The following PPP1R9A variants were observed in gnomAD, a reference collection of about 807,000 sequenced individuals.
PPP1R9A encodes the protein neurabin-1.
A neutral mutation model predicts 141.9 loss-of-function variants in PPP1R9A; 59 were observed. The observed-to-expected ratio is 0.42, with a 90% CI of 0.34 to 0.52. The LOEUF (loss-of-function observed/expected upper bound fraction) is 0.52. PPP1R9A is among the 20% of genes least tolerant of loss of function. The pLI, the probability that PPP1R9A is intolerant of heterozygous loss-of-function variation, is 0.10. For missense variants in PPP1R9A, 1,444 were observed against 1,611.9 expected, an observed-to-expected ratio of 0.90 and a Z score of 1.78; for synonymous variants, 500 against 569.7, an observed-to-expected ratio of 0.88 and a Z score of 1.74.
At position 94,910,840 on chromosome 7, in the gene PPP1R9A, G is replaced by A; in HGVS notation, c.727G>A (p.Val243Ile). Residue 243 changes from valine (V) to isoleucine (I), a missense_variant, in exon 2 of 20, where the codon GTT becomes ATT. By Grantham distance (29) the Val-to-Ile change is conservative. Around this residue, in one of 5 missense-constraint regions of PPP1R9A, gnomAD observed 490 missense variants for 521.1 expected, o/e 0.94. Transcript: ENST00000433360. This position sits in a 1 kb window ranked among gnomAD's most constrained non-coding sequence, Gnocchi z 4.5. ...HYPLNLPSVTVTNLDTFGHLK... is the reference protein window; with the variant it reads ...HYPLNLPSVTITNLDTFGHLK... ...TCCCTTGAATTTACCATCTGTTACT[G>A]TTACAAATCTTGACACATTTGGTCA... 1 of 1,613,882 alleles carries A rather than the reference G, an allele frequency of 6.2e-7. No homozygotes were observed. Among genetic ancestry groups the A allele is most frequent in the Non-Finnish European group, 8.5e-7 (1 of 1,179,994 alleles).
At chr7:95,247,571 A>C (rs1798285110) in intron 9 of PPP1R9A, 45 bp downstream of exon 9, 1 of 1,452,972 alleles carries the variant, frequency 6.9e-7, no homozygotes, top group Non-Finnish European at 9.6e-7. Context: ...TTTAAACTTC[A>C]GATACTATGA....
chr7:95,126,909 T>C (rs1823653903), intron 4 of PPP1R9A, among the ~76,000 whole-genome samples: 2 of 152,010 alleles, frequency 1.3e-5, no homozygotes, highest in Admixed American at 1.3e-4. Context: ...TTCTAGGGAG[T>C]TGTAGGAGCA....
chr7:95,002,763 T>C (rs1385033082), intron 2 of PPP1R9A, among the ~76,000 whole-genome samples: 1 of 152,190 alleles, frequency 6.6e-6, no homozygotes, highest in Non-Finnish European at 1.5e-5. Flanking sequence ...TGGCACAGTA[T>C]AGGTGTCTAA....
chr7:95,138,486 A>T (rs1826077957), intron 4 of PPP1R9A, among the ~76,000 whole-genome samples: 1 of 152,216 alleles, frequency 6.6e-6, no homozygotes, highest in Non-Finnish European at 1.5e-5. Context: ...CTGAGACAGG[A>T]CACAAAGTAC....
intron 2 of PPP1R9A, among the ~76,000 whole-genome samples, chr7:94,952,230 T>G (rs1312591473): frequency 6.6e-6 from 1 of 152,184 alleles, no homozygotes; most frequent in Non-Finnish European, 1.5e-5. Flanking sequence ...TGTGTTAGTT[T>G]GCTGAGAATG....
In PPP1R9A at chr7:95,292,997, T is replaced by C. The variant is rs1378776021; in HGVS notation, c.*2694T>C. 6.6e-6 allele frequency: 1 copy of C among 152,208 alleles called. No individual in the cohort carries two copies. The highest frequency in any genetic ancestry group is 2.4e-5 in the African/African-American group (1 of 41,442). The allele number at this position is 152,208 out of a possible 1,614,324, so 9.4% of individuals were successfully genotyped here. A position where few individuals can be genotyped will look rare whatever the true frequency, so the allele number is the denominator to read the frequency against. ...TTGTTATTTCATCAACCTTAAAAAC[T>C]GCAGTTTTTATTATCAGAAAATGAA... On this transcript the variant is annotated 3_prime_UTR_variant, in exon 20 of 20. Transcript: ENST00000433360.
intron 4 of PPP1R9A, among the ~76,000 whole-genome samples, chr7:95,127,749 T>TA (rs1267191634): frequency 6.6e-6 from 1 of 152,166 alleles, no homozygotes; most frequent in Non-Finnish European, 1.5e-5. Context: ...AGCTCCCACT[T>TA]ATAAGTGAGA....
At chr7:94,972,219 A>G (rs1004574853) in intron 2 of PPP1R9A, among the ~76,000 whole-genome samples, 6 of 152,158 alleles carry the variant, frequency 3.9e-5, no homozygotes, top group Non-Finnish European at 8.8e-5. Flanking sequence ...TACTGTGTAT[A>G]TATGGTCTTG....
intron 2 of PPP1R9A, among the ~76,000 whole-genome samples, chr7:95,006,609 A>G (rs1285038224): frequency 1.3e-5 from 2 of 152,204 alleles, no homozygotes; most frequent in African/African-American, 4.8e-5. Context: ...GACCTATTAT[A>G]TATTTCTGCA....
At chr7:95,244,894 G>A (rs1037295640) in intron 8 of PPP1R9A, among the ~76,000 whole-genome samples, 1 of 152,148 alleles carries the variant, frequency 6.6e-6, no homozygotes, top group Non-Finnish European at 1.5e-5. Flanking sequence ...GGAAGGTTAT[G>A]ACTTATAAGG....
chr7:95,015,460 G>A (rs1454240608), intron 2 of PPP1R9A, among the ~76,000 whole-genome samples: 1 of 152,028 alleles, frequency 6.6e-6, no homozygotes, highest in East Asian at 1.9e-4. Context: ...TCACTAGATA[G>A]GCTTAATAAT....
At chr7:94,992,517 G>A (rs908194655) in intron 2 of PPP1R9A, among the ~76,000 whole-genome samples, 3 of 152,186 alleles carry the variant, frequency 2.0e-5, no homozygotes, top group Admixed American at 2.0e-4. Context: ...TATTGTAGGT[G>A]TATGTTTACT....
At chr7:95,237,159 G>A (rs1294916644) in intron 8 of PPP1R9A, among the ~76,000 whole-genome samples, 1 of 143,476 alleles carries the variant, frequency 7.0e-6, no homozygotes, top group African/African-American at 2.6e-5. Context: ...TTATGTGTGT[G>A]TATGTGTATA....
intron 2 of PPP1R9A, among the ~76,000 whole-genome samples, chr7:95,010,726 T>C (rs1046166787): frequency 6.6e-6 from 1 of 151,992 alleles, no homozygotes; most frequent in African/African-American, 2.4e-5. Context: ...AAATATATAA[T>C]CAAAATATAT....
intron 2 of PPP1R9A, among the ~76,000 whole-genome samples, chr7:94,966,055 G>A (rs532905608): frequency 9.2e-5 from 14 of 152,128 alleles, no homozygotes; most frequent in South Asian, 4.2e-4. Context: ...AGTTGTATTC[G>A]TAGGTAGTTT....
chr7:94,924,832 C>T (rs2150756555), intron 2 of PPP1R9A, among the ~76,000 whole-genome samples: 1 of 152,120 alleles, frequency 6.6e-6, no homozygotes, highest in South Asian at 2.1e-4. Flanking sequence ...GTCTGGCCTA[C>T]CAAACGAAAT....
chr7:95,049,254 A>C (rs915451399), intron 2 of PPP1R9A, among the ~76,000 whole-genome samples: 1 of 152,208 alleles, frequency 6.6e-6, no homozygotes, highest in Non-Finnish European at 1.5e-5. Context: ...TAAGATCAGA[A>C]GGAATTGTTC....
At chr7:95,014,769 A>G (rs777115669) in intron 2 of PPP1R9A, among the ~76,000 whole-genome samples, 2 of 152,016 alleles carry the variant, frequency 1.3e-5, no homozygotes, top group Non-Finnish European at 2.9e-5. Flanking sequence ...TCACTTCCGT[A>G]TTTACTAATT....
At chr7:95,257,829 C>T (rs552686077) in intron 12 of PPP1R9A, among the ~76,000 whole-genome samples, 34 of 152,278 alleles carry the variant, frequency 2.2e-4, no homozygotes, top group African/African-American at 7.7e-4. Flanking sequence ...ATCCATGTCC[C>T]TGCAAAGGAC....
Sources: gnomAD v4.1 joint callset for allele counts (sites outside exome capture counted in the v4.1 genomes callset) on GRCh38, gnomAD v4.1.1 for gene constraint, gnomAD v4.1.1 regional missense constraint, Gnocchi (gnomAD v3.1) non-coding constraint, MANE v1.5 for transcripts, NCBI Gene and HGNC (gene_info 2026-07-23, HGNC 2026-07-21) for gene names.